PFKFB3: variants seen among roughly 807,000 people sequenced by gnomAD.
PFKFB3 encodes the protein 6-phosphofructo-2-kinase/fructose-2,6-biphosphatase 3.
A neutral mutation model predicts 68.0 loss-of-function variants in PFKFB3; 33 were observed. The observed-to-expected ratio is 0.49, with a 90% confidence interval of 0.37 to 0.65. The LOEUF (loss-of-function observed/expected upper bound fraction) is 0.65. Among genes scored for constraint, PFKFB3 ranks in the 30% least tolerant of loss-of-function variants. PFKFB3 has a pLI of 0.00. For missense variants in PFKFB3, 586 were observed against 712.2 expected, an observed-to-expected ratio of 0.82 and a Z score of 2.02; for synonymous variants, 315 against 288.2, an observed-to-expected ratio of 1.09 and a Z score of -0.94.
downstream of PFKFB3, among the ~76,000 whole-genome samples, chr10:6,239,769 G>A (rs1202422887): frequency 1.3e-5 from 2 of 152,124 alleles, no homozygotes; most frequent in Non-Finnish European, 1.5e-5. Context: ...GAACTCCCGG[G>A]CTCAAGCCAT....
chr10:6,299,906 C>T, the PFKFB3 span, among the ~76,000 whole-genome samples: 5 of 143,568 alleles, frequency 3.5e-5, no homozygotes, highest in Admixed American at 1.4e-4. Context: ...CATTTTAAGG[C>T]GTCGATTTGG....
intron 1 of PFKFB3, among the ~76,000 whole-genome samples, chr10:6,209,234 G>A (rs551088753): frequency 2.0e-5 from 3 of 152,172 alleles, no homozygotes; most frequent in South Asian, 2.1e-4. Context: ...GATTCAATTC[G>A]GGTGTTTAGT....
chr10:6,224,065 A>G (rs1845155224), intron 12 of PFKFB3, 45 bp downstream of exon 12: 1 of 1,612,862 alleles, frequency 6.2e-7, no homozygotes, highest in African/African-American at 1.3e-5. Flanking sequence ...GAAGGTGGCC[A>G]CAGTAGCTTC....
At chr10:6,194,781 G>A (rs933520194) in intron 1 of PFKFB3, among the ~76,000 whole-genome samples, 1 of 152,128 alleles carries the variant, frequency 6.6e-6, no homozygotes, top group Non-Finnish European at 1.5e-5. Context: ...AGTTTGCCTG[G>A]TGCTGCACTT....
At chr10:6,232,733 C>T (rs942390782) in intron 14 of PFKFB3, among the ~76,000 whole-genome samples, 162 bp from the exon 15 acceptor site, 4 of 152,172 alleles carry the variant, frequency 2.6e-5, no homozygotes, top group East Asian at 1.9e-4. Flanking sequence ...CCTGGGCTCT[C>T]TCCCGCCTGT....
rs772957868 is a variant in PFKFB3, at chr10:6,228,527, G to C, written c.1515+2162G>C. ...GTGTAATGGCCGTGGTTTAGGGCTCGGCATAAATCCACATTTCCTTATCAG... is the reference window on the plus strand; with the variant it reads ...GTGTAATGGCCGTGGTTTAGGGCTCCGCATAAATCCACATTTCCTTATCAG... On this transcript the variant is annotated intron_variant, in intron 14 of 14. Transcript: ENST00000379775. This position sits in a 1 kb window ranked among gnomAD's most constrained non-coding sequence, Gnocchi z 4.5. Among the ~76,000 whole-genome samples the C allele has an allele frequency of 6.6e-6, 1 of 151,998 alleles. No individual in the cohort carries two copies.
chr10:6,252,279 G>C (rs1367314441), intron 14 of PFKFB3, among the ~76,000 whole-genome samples: 4 of 152,212 alleles, frequency 2.6e-5, no homozygotes, highest in African/African-American at 9.6e-5. Flanking sequence ...GGTATAATTG[G>C]TAATAGATAC....
chr10:6,294,563 A>C, the PFKFB3 span: 1 of 171,618 alleles, frequency 5.8e-6, no homozygotes, highest in Non-Finnish European at 1.2e-5. Context: ...CTCCCATGAC[A>C]CATGGGAATT....
At chr10:6,151,036 T>G (rs1349038852) in intron 1 of PFKFB3, among the ~76,000 whole-genome samples, 4 of 151,916 alleles carry the variant, frequency 2.6e-5, no homozygotes, top group African/African-American at 9.7e-5. Context: ...TTGCCTATCA[T>G]TCATGACGGC....
In PFKFB3 at chr10:6,152,601, G is replaced by C. The variant is rs191841900; in HGVS notation, c.16+7588G>C. ...TAGAAAAGCGAGAAATGTATGCCAG[G>C]TGCAGTGGCACACACCTGCAGCCCC... is the stretch of plus-strand genomic sequence containing the variant. On this transcript the variant is annotated intron_variant, in intron 1 of 14. Transcript: ENST00000379789. Among the ~76,000 whole-genome samples the C allele has an allele frequency of 5.3e-5, 8 of 152,320 alleles. 1 individual carries two copies. Among genetic ancestry groups the C allele is most frequent in the Non-Finnish European group, 1.2e-4 (8 of 68,022 alleles).
intron 1 of PFKFB3, among the ~76,000 whole-genome samples, chr10:6,153,791 T>G (rs1841677706): frequency 6.7e-6 from 1 of 150,252 alleles, no homozygotes; most frequent in Non-Finnish European, 1.5e-5. Flanking sequence ...GGAGGTGAGG[T>G]TGCAGTGAGC....
the PFKFB3 span, among the ~76,000 whole-genome samples, chr10:6,273,508 T>C: frequency 6.6e-6 from 1 of 152,142 alleles, no homozygotes; most frequent in East Asian, 1.9e-4. Flanking sequence ...TGTTGACAGT[T>C]CTGTCAGTCA....
the PFKFB3 span, among the ~76,000 whole-genome samples, chr10:6,265,071 CT>C: frequency 5.9e-3 from 793 of 133,576 alleles, 7 homozygotes; most frequent in Middle Eastern, 0.019. Flanking sequence ...GGCATAGTTT[CT>C]TTTTCTTTCA....
At chr10:6,244,329 T>C (rs1161297580) in intron 14 of PFKFB3, among the ~76,000 whole-genome samples, 1 of 152,184 alleles carries the variant, frequency 6.6e-6, no homozygotes, top group Non-Finnish European at 1.5e-5. Flanking sequence ...ACTTCCTGTT[T>C]CCCAGGCAGC....
chr10:6,196,128 C>CTT (rs59491432), intron 1 of PFKFB3, among the ~76,000 whole-genome samples: 9 of 140,822 alleles, frequency 6.4e-5, no homozygotes, highest in African/African-American at 1.6e-4. Context: ...GTGAGCTTGC[C>CTT]TTTTTTTTTT....
At chr10:6,224,261 C>T in intron 13 of PFKFB3, 48 bp downstream of exon 13, 2 of 1,585,772 alleles carry the variant, frequency 1.3e-6, no homozygotes, top group Non-Finnish European at 1.7e-6. Flanking sequence ...ACACGATAGC[C>T]CTAGTGGGTG....
the PFKFB3 span, among the ~76,000 whole-genome samples, chr10:6,273,198 G>A: frequency 1.3e-5 from 2 of 151,944 alleles, no homozygotes; most frequent in African/African-American, 2.4e-5. Flanking sequence ...CAGTAGAGAC[G>A]GGGTTTGCTG....
the PFKFB3 span, among the ~76,000 whole-genome samples, chr10:6,266,083 T>C: frequency 6.6e-6 from 1 of 151,992 alleles, no homozygotes; most frequent in African/African-American, 2.4e-5. Context: ...TTATTTTAAA[T>C]TTTTTTGTAG....
chr10:6,279,597 G>A, the PFKFB3 span, among the ~76,000 whole-genome samples: 1 of 152,128 alleles, frequency 6.6e-6, no homozygotes, highest in Non-Finnish European at 1.5e-5. Flanking sequence ...GGTCACGTTT[G>A]GGGGAATGTC....
Sources: allele counts gnomAD v4.1 joint callset (sites outside exome capture counted in the v4.1 genomes callset), GRCh38; gene constraint gnomAD v4.1.1; non-coding constraint Gnocchi (gnomAD v3.1); transcripts MANE v1.5; gene names NCBI Gene and HGNC (gene_info 2026-07-23, HGNC 2026-07-21).